The following ADAMTSL3 variants were observed in gnomAD, a reference collection of about 807,000 sequenced individuals.
The protein encoded by ADAMTSL3 is ADAMTS-like protein 3.
In ADAMTSL3, 128 loss-of-function variants were observed where a neutral mutation model predicts 201.7. The ratio of observed to expected loss-of-function variants is 0.63; its 90% CI spans 0.55 to 0.73. ADAMTSL3 has a LOEUF of 0.73. ADAMTSL3 is among the 30% of genes least tolerant of loss of function. The pLI is 0.00. For missense variants in ADAMTSL3, 1,990 were observed against 2,119.6 expected, an observed-to-expected ratio of 0.94 and a Z score of 1.20; for synonymous variants, 738 against 748.4, an observed-to-expected ratio of 0.99 and a Z score of 0.23.
intron 22 of ADAMTSL3, among the ~76,000 whole-genome samples, chr15:83,990,541 C>T (rs961148444): frequency 2.2e-4 from 34 of 152,158 alleles, no homozygotes; most frequent in Non-Finnish European, 5.9e-5. Context: ...CCTCTTATTA[C>T]GCTGGGCCCA....
intron 7 of ADAMTSL3, among the ~76,000 whole-genome samples, chr15:83,844,268 C>T (rs992452480): frequency 5.3e-5 from 8 of 152,234 alleles, no homozygotes; most frequent in African/African-American, 1.7e-4. Flanking sequence ...TCTTCTAATG[C>T]ATTCCTTGAC....
chr15:83,823,893 CTCTTCT>C (rs759090787), intron 6 of ADAMTSL3, among the ~76,000 whole-genome samples: 2,535 of 92,740 alleles, frequency 0.027, 36 homozygotes, highest in South Asian at 0.032. Context: ...CTTCTTCTTC[CTCTTCT>C]TCTTCTTCTT....
At chr15:83,723,786 AGT>A in intron 3 of ADAMTSL3, among the ~76,000 whole-genome samples, 1 of 152,268 alleles carries the variant, frequency 6.6e-6, no homozygotes, top group Non-Finnish European at 1.5e-5. Context: ...TGGAATTAAG[AGT>A]GTTTTAAATT....
intron 25 of ADAMTSL3, 29 bp downstream of exon 25, chr15:84,016,528 C>T: frequency 6.4e-7 from 1 of 1,564,656 alleles, no homozygotes; most frequent in African/African-American, 1.4e-5. Context: ...TTCAGATTTG[C>T]TATGTGTGAG....
rs181249706 is a variant in ADAMTSL3, at chr15:83,773,739, G to A, written c.317+89G>A. ...GGAGAGATAACTTTATATGGCTTTG[G>A]AATGTACTGTGATGATGGTGTAACG... On this transcript the variant is annotated intron_variant, in intron 4 of 29. Transcript: ENST00000286744. 195 of 1,455,340 alleles carry A rather than the reference G, an allele frequency of 1.3e-4. 2 individuals are homozygous for A. Among genetic ancestry groups the A allele is most frequent in the Non-Finnish European group, 1.7e-4 (188 of 1,083,804 alleles). The allele number at this position is 1,455,340 out of a possible 1,614,324, so 90.2% of individuals were successfully genotyped here.
At chr15:83,995,638 C>T (rs2067673322) in intron 23 of ADAMTSL3, among the ~76,000 whole-genome samples, 1 of 151,858 alleles carries the variant, frequency 6.6e-6, no homozygotes, top group Non-Finnish European at 1.5e-5. Flanking sequence ...TAGAAAATAA[C>T]TACAAAAATT....
chr15:83,974,477 T>C lies in ADAMTSL3; in HGVS notation c.2644+3840T>C, dbSNP rs75258034. ...AGGTCTTTTTATCTCATTTCTATTA[T>C]AGATTTAACACAGGATAAAATGTAA... On this transcript the variant is annotated intron_variant, in intron 20 of 29. Transcript: ENST00000286744. 9.9e-3 allele frequency among the ~76,000 whole-genome samples: 1,514 copies of C among 152,348 alleles called. 23 individuals are homozygous for C. Among genetic ancestry groups the C allele is most frequent in the African/African-American group, 0.035 (1,455 of 41,578 alleles).
At chr15:83,895,853 G>T (rs1235304647) in intron 13 of ADAMTSL3, among the ~76,000 whole-genome samples, 1 of 151,988 alleles carries the variant, frequency 6.6e-6, no homozygotes, top group Non-Finnish European at 1.5e-5. Flanking sequence ...CTCAAGCTTC[G>T]CTGAACTCAT....
intron 6 of ADAMTSL3, among the ~76,000 whole-genome samples, chr15:83,820,822 C>G (rs1472779058): frequency 6.6e-6 from 1 of 152,116 alleles, no homozygotes; most frequent in East Asian, 1.9e-4. Flanking sequence ...ACCCTGTAAT[C>G]CCAGCACTTT....
chr15:83,863,496 A>G (rs1257188120), intron 8 of ADAMTSL3, among the ~76,000 whole-genome samples: 2 of 152,232 alleles, frequency 1.3e-5, no homozygotes, highest in African/African-American at 2.4e-5. Flanking sequence ...AAACTGAACA[A>G]CCTGCTCCTG....
intron 4 of ADAMTSL3, among the ~76,000 whole-genome samples, chr15:83,777,281 A>G (rs1210301904): frequency 6.6e-6 from 1 of 152,200 alleles, no homozygotes; most frequent in African/African-American, 2.4e-5. Flanking sequence ...AGCTGCCACT[A>G]CCACTGCTGC....
At chr15:83,754,509 T>G (rs1372813895) in intron 3 of ADAMTSL3, among the ~76,000 whole-genome samples, 1 of 152,192 alleles carries the variant, frequency 6.6e-6, no homozygotes, top group East Asian at 1.9e-4. Flanking sequence ...TTAAAAATGT[T>G]AGATGTTGTT....
At chr15:83,864,411 C>G (rs2064931622) in intron 8 of ADAMTSL3, among the ~76,000 whole-genome samples, 1 of 152,160 alleles carries the variant, frequency 6.6e-6, no homozygotes, top group African/African-American at 2.4e-5. Context: ...AAAGCTTATC[C>G]ACCATGATCA....
intron 19 of ADAMTSL3, among the ~76,000 whole-genome samples, chr15:83,953,906 C>T (rs2066803704): frequency 1.3e-5 from 2 of 152,160 alleles, no homozygotes; most frequent in African/African-American, 4.8e-5. Flanking sequence ...TGTTTCCAGA[C>T]TTATTAGAAC....
At chr15:83,992,916 A>G (rs2067607830) in intron 23 of ADAMTSL3, among the ~76,000 whole-genome samples, 1 of 152,040 alleles carries the variant, frequency 6.6e-6, no homozygotes, top group Non-Finnish European at 1.5e-5. Flanking sequence ...GGGAGTACTC[A>G]TCTCTCCCCT....
chr15:83,982,820 C>G lies in ADAMTSL3; in HGVS notation c.3192C>G (p.Ser1064Arg), dbSNP rs1234329408. ...PFLRALLGHC[S>R]NSAGSTNSWE... ...TGAGAGCTCTGTTAGGCCACTGCAG[C>G]AATTCTGCAGGAAGCACCAACTCCT... Residue 1064 changes from serine (S) to arginine (R), a missense_variant, in exon 21 of 30, where the codon AGC becomes AGG. Physicochemically the swap from Ser to Arg is moderately radical, Grantham distance 110. Coordinates refer to ENST00000286744, the MANE Select transcript of ADAMTSL3 (RefSeq NM_207517.3). 6.2e-7 allele frequency: 1 copy of G among 1,614,104 alleles called. No individual in the cohort carries two copies. Among genetic ancestry groups the G allele is most frequent in the East Asian group, 2.2e-5 (1 of 44,876 alleles).
At chr15:83,826,959 C>T (rs1214434133) in intron 6 of ADAMTSL3, among the ~76,000 whole-genome samples, 4 of 152,104 alleles carry the variant, frequency 2.6e-5, no homozygotes, top group Middle Eastern at 3.4e-3. Flanking sequence ...TGAATAGTGC[C>T]GTAATAAACA....
chr15:83,763,125 A>G (rs2062835012), intron 3 of ADAMTSL3, among the ~76,000 whole-genome samples: 1 of 152,146 alleles, frequency 6.6e-6, no homozygotes, highest in South Asian at 2.1e-4. Flanking sequence ...TTGAACCTCA[A>G]GTGATTCCCC....
intron 6 of ADAMTSL3, among the ~76,000 whole-genome samples, chr15:83,820,900 C>G (rs994158357): frequency 6.6e-6 from 1 of 151,928 alleles, no homozygotes; most frequent in Non-Finnish European, 1.5e-5. Context: ...ATGGTGAAAC[C>G]CCATCTCCAC....
Sources: allele counts gnomAD v4.1 joint callset (sites outside exome capture counted in the v4.1 genomes callset), GRCh38; gene constraint gnomAD v4.1.1; transcripts MANE v1.5; gene names NCBI Gene and HGNC (gene_info 2026-07-23, HGNC 2026-07-21).